EPHA8: variants seen among roughly 807,000 people sequenced by gnomAD.
The protein encoded by EPHA8 is EPH receptor A8.
A neutral mutation model predicts 103.6 loss-of-function variants in EPHA8; 58 were observed. The ratio of observed to expected loss-of-function variants is 0.56; its 90% confidence interval spans 0.45 to 0.70. The LOEUF (loss-of-function observed/expected upper bound fraction) is 0.70, where lower values mean the gene tolerates loss of function less well. EPHA8 is among the 30% of genes least tolerant of loss of function. The pLI, the probability that EPHA8 is intolerant of heterozygous loss-of-function variation, is 0.00. For missense variants in EPHA8, 1,304 were observed against 1,395.2 expected (o/e 0.93, Z 1.04); for synonymous variants, 559 against 572.5 (o/e 0.98, Z 0.34).
intron 2 of EPHA8, among the ~76,000 whole-genome samples, chr1:22,570,733 C>T (rs975197838): frequency 1.3e-5 from 2 of 152,244 alleles, no homozygotes; most frequent in Non-Finnish European, 2.9e-5. Flanking sequence ...GCCACATGGC[C>T]CTGGCTCTCC....
rs1190296272 is a variant in EPHA8 at position 22,600,059 on chromosome 1, AGGG to A, written c.2389-598_2389-596del. ...GAGGGAGGGAGTGGAGGAGGAAGGA[AGGG>A]GGGATGGAGGGAGGAAGGAAGGGAG... On this transcript the variant is annotated intron_variant, in intron 13 of 16. Transcript: ENST00000166244. 1.5e-4 allele frequency among the ~76,000 whole-genome samples: 12 copies of A among 81,186 alleles called. No individual in the cohort carries two copies. In the East Asian group the frequency reaches 3.5e-3, roughly 24 times the overall value. The allele number at this position is 81,186 out of a possible 152,430, so 53.3% of individuals were successfully genotyped here.
At chr1:22,599,347 C>T (rs1641614134) in intron 13 of EPHA8, among the ~76,000 whole-genome samples, 1 of 152,192 alleles carries the variant, frequency 6.6e-6, no homozygotes, top group Non-Finnish European at 1.5e-5. Context: ...TACCCAGACT[C>T]CACATCTGTC....
At chr1:22,570,301 C>T (rs1033148648) in intron 2 of EPHA8, among the ~76,000 whole-genome samples, 3 of 148,844 alleles carry the variant, frequency 2.0e-5, no homozygotes, top group Non-Finnish European at 4.4e-5. Context: ...CACACATGCA[C>T]ACGTGTGCGT....
chr1:22,566,005 A>T (rs1046079765), intron 1 of EPHA8, among the ~76,000 whole-genome samples: 7 of 152,120 alleles, frequency 4.6e-5, no homozygotes, highest in African/African-American at 1.7e-4. Flanking sequence ...AGCTGAGGGG[A>T]CTGTTGGAAC....
At chr1:22,566,797 C>T (rs565512586) in intron 1 of EPHA8, among the ~76,000 whole-genome samples, 1 of 152,120 alleles carries the variant, frequency 6.6e-6, no homozygotes, top group Non-Finnish European at 1.5e-5. Flanking sequence ...CTCATCAAAC[C>T]TCCTATGGAC....
At chr1:22,592,602 CT>C (rs986940039) in intron 5 of EPHA8, among the ~76,000 whole-genome samples, 3 of 152,168 alleles carry the variant, frequency 2.0e-5, no homozygotes, top group African/African-American at 7.2e-5. Flanking sequence ...CCCGGTTGTG[CT>C]GGGGATGCCC....
Position 22,601,771 on chromosome 1 carries a change from C to G in EPHA8, c.*30C>G. On this transcript the variant is annotated 3_prime_UTR_variant, in exon 17 of 17. Coordinates refer to ENST00000166244, the MANE Select transcript of EPHA8 (RefSeq NM_020526.5). ...CAGCCAGCAGGGCCCAGGCAGCCAC[C>G]AAGCCCACCCCAGGTCATGCCAGCG... is the stretch of plus-strand genomic sequence containing the variant. The G allele has an allele frequency of 6.5e-7, 1 of 1,542,518 alleles. No homozygotes were observed. Among genetic ancestry groups the G allele is most frequent in the East Asian group, 2.4e-5 (1 of 40,918 alleles).
rs1641291817 is a variant in EPHA8 at position 22,588,887 on chromosome 1, A to G, written c.996A>G (p.Pro332=). Residue 332 remains proline, a synonymous_variant, in exon 5 of 17, where the codon CCA becomes CCG. Transcript: ENST00000166244. ...SSACTRPPSA[P]VNLISSVNGT... ...TGCCCTCAGGGCCACCCTCGGCACC[A>G]GTGAACCTGATCTCCAGTGTGAATG... The G allele has an allele frequency of 1.3e-6, 2 of 1,593,342 alleles. No individual in the cohort carries two copies. The highest frequency in any genetic ancestry group is 1.7e-4 in the Middle Eastern group (1 of 6,044).
At chr1:22,594,407 G>A (rs12730396) in intron 7 of EPHA8, among the ~76,000 whole-genome samples, 2,473 of 152,298 alleles carry the variant, frequency 0.016, 34 homozygotes, top group Non-Finnish European at 0.025. Context: ...CAGCAGCATC[G>A]GTCTCACCTG....
intron 3 of EPHA8, among the ~76,000 whole-genome samples, chr1:22,577,826 G>C (rs536502104): frequency 2.7e-5 from 4 of 145,608 alleles, no homozygotes; most frequent in Non-Finnish European, 3.0e-5. Flanking sequence ...GTGTGTGCAT[G>C]TGTGCGTGTG....
rs1034142211 is a variant in EPHA8 at position 22,567,013 on chromosome 1, C to G, written c.95-2276C>G. Among the ~76,000 whole-genome samples, 7 of 152,168 alleles carry G rather than the reference C, an allele frequency of 4.6e-5. No homozygotes were observed. In the South Asian group the frequency reaches 1.4e-3, roughly 32 times the overall value. On this transcript the variant is annotated intron_variant, in intron 1 of 16. Transcript: ENST00000166244. The surrounding 1 kb of genome is among the most constrained non-coding windows in gnomAD (Gnocchi z 4.2). Reference sequence around the variant, plus strand: ...TTGACTTATCTTTGGATTATCTGATCCCCCTGGCTGGTTGATCAAGAATCA... The same window carrying G: ...TTGACTTATCTTTGGATTATCTGATGCCCCTGGCTGGTTGATCAAGAATCA...
In EPHA8 at chr1:22,600,650, G is replaced by A; in HGVS notation, c.2389-11G>A. 7 of 1,612,550 alleles carry A rather than the reference G, an allele frequency of 4.3e-6. No homozygotes were observed. The highest frequency in any genetic ancestry group is 2.2e-5 in the South Asian group (2 of 90,980). ...CTGGGCAGCCCCTCAACTCTTGTGT[G>A]TCCGTCGCAGGGCGGGAAGATCCCC... On this transcript the variant is annotated splice_polypyrimidine_tract_variant and intron_variant, in intron 13 of 16. Transcript: ENST00000166244.
In EPHA8 at chr1:22,601,830, C is replaced by A. The variant is rs1570044006; in HGVS notation, c.*89C>A. 1.6e-6 allele frequency: 2 copies of A among 1,261,704 alleles called. No homozygotes were observed. The highest frequency in any genetic ancestry group is 2.6e-4 in the Middle Eastern group (1 of 3,812). The allele number at this position is 1,261,704 out of a possible 1,614,324, so 78.2% of individuals were successfully genotyped here. ...CGTGAGGGGCTGGCAGCAGGCAGGG[C>A]GGCCCCAGGCCTCTGCCCTCCTCTC... On this transcript the variant is annotated 3_prime_UTR_variant, in exon 17 of 17. Transcript: ENST00000166244.
chr1:22,595,181 A>G, intron 7 of EPHA8, 49 bp from the exon 8 acceptor site: 1 of 1,510,322 alleles, frequency 6.6e-7, no homozygotes, highest in Non-Finnish European at 9.1e-7. Flanking sequence ...CCCTGGGCCC[A>G]AGGCCAGGGC....
At chr1:22,584,093 T>C (rs1344548808) in intron 3 of EPHA8, among the ~76,000 whole-genome samples, 1 of 152,266 alleles carries the variant, frequency 6.6e-6, no homozygotes, top group East Asian at 1.9e-4. Context: ...TGAGGATTAC[T>C]GTCATTCAGC....
chr1:22,598,325 C>T lies in EPHA8; in HGVS notation c.2178+113C>T, dbSNP rs1641581876. 6.5e-6 allele frequency: 7 copies of T among 1,069,154 alleles called. No homozygotes were observed. In the East Asian group the frequency reaches 1.7e-4, roughly 26 times the overall value. The allele number at this position is 1,069,154 out of a possible 1,614,324, so 66.2% of individuals were successfully genotyped here. A position where few individuals can be genotyped will look rare whatever the true frequency, so the allele number is the denominator to read the frequency against. ...CCCTCCCTGGCTTGGACACCACAGG[C>T]CGGGGGACAGGAGGCAGGTATAGGG... On this transcript the variant is annotated intron_variant, in intron 12 of 16. Coordinates refer to ENST00000166244, the MANE Select transcript of EPHA8 (RefSeq NM_020526.5). The surrounding 1 kb of genome is among the most constrained non-coding windows in gnomAD (Gnocchi z 5.1).
intron 5 of EPHA8, among the ~76,000 whole-genome samples, chr1:22,591,768 C>T (rs1641378298): frequency 6.6e-6 from 1 of 152,152 alleles, no homozygotes; most frequent in Admixed American, 6.5e-5. Context: ...CGTGGCCTGG[C>T]TTCTCCTTCG....
intron 3 of EPHA8, among the ~76,000 whole-genome samples, chr1:22,579,387 A>G (rs192572478): frequency 7.0e-6 from 1 of 142,818 alleles, no homozygotes; most frequent in African/African-American, 2.7e-5. Flanking sequence ...GTATGTGTGC[A>G]CTGTGTGCAT....
intron 1 of EPHA8, among the ~76,000 whole-genome samples, chr1:22,565,596 T>G (rs1056032865): frequency 6.6e-6 from 1 of 152,006 alleles, no homozygotes; most frequent in African/African-American, 2.4e-5. Context: ...CTGCCTCAAC[T>G]CTCTTCTCTG....
Sources: gnomAD v4.1 joint callset for allele counts (sites outside exome capture counted in the v4.1 genomes callset) on GRCh38, gnomAD v4.1.1 for gene constraint, Gnocchi (gnomAD v3.1) non-coding constraint, MANE v1.5 for transcripts, NCBI Gene and HGNC (gene_info 2026-07-23, HGNC 2026-07-21) for gene names.